Variants in TRPM6 observed in about 807,000 individuals in gnomAD.
TRPM6 encodes transient receptor potential cation channel subfamily M member 6.
A neutral mutation model predicts 247.6 loss-of-function variants in TRPM6; 111 were observed. The observed-to-expected ratio is 0.45, with a 90% CI of 0.38 to 0.52. The LOEUF is 0.52. Among genes scored for constraint, TRPM6 ranks in the 20% least tolerant of loss-of-function variants. The pLI is 0.00. For missense variants in TRPM6, 2,126 were observed against 2,421.5 expected (o/e 0.88, Z 2.56); for synonymous variants, 892 against 853.8 (o/e 1.04, Z -0.78).
At chr9:74,884,335 A>G (rs963191098) in intron 1 of TRPM6, among the ~76,000 whole-genome samples, 1 of 149,132 alleles carries the variant, frequency 6.7e-6, no homozygotes, top group Admixed American at 6.7e-5. Flanking sequence ...TAAAAATACA[A>G]AAAATGAGCC....
chr9:74,887,788 T>A (rs1831585791), intron 1 of TRPM6, 36 bp downstream of exon 1: 1 of 1,613,998 alleles, frequency 6.2e-7, no homozygotes, highest in East Asian at 2.2e-5. Flanking sequence ...TCGCCTAAGG[T>A]CCTTGTTCCC....
At position 74,761,817 on chromosome 9, in the gene TRPM6, A is replaced by C. The variant is rs763977756; in HGVS notation, c.4673-9T>G. The C allele has an allele frequency of 3.7e-5, 59 of 1,602,176 alleles. No homozygotes were observed. Among genetic ancestry groups the C allele is most frequent in the Non-Finnish European group, 8.6e-6 (10 of 1,169,296 alleles). On this transcript the variant is annotated splice_polypyrimidine_tract_variant and intron_variant, in intron 26 of 38. Transcript: ENST00000360774. ...TGAAGAGCCTGAAAGATCTGCAAGGAAATGGTCTACATGAGAAAGTTGACA... is the reference window on the plus strand; with the variant it reads ...TGAAGAGCCTGAAAGATCTGCAAGGCAATGGTCTACATGAGAAAGTTGACA...
At chr9:74,757,093 A>C (rs1041193881) in intron 27 of TRPM6, among the ~76,000 whole-genome samples, 8 of 151,764 alleles carry the variant, frequency 5.3e-5, no homozygotes, top group Non-Finnish European at 1.2e-4. Flanking sequence ...CAGGAGAATC[A>C]CTTGAACCCG....
chr9:74,813,281 G>C (rs998776838), intron 11 of TRPM6, among the ~76,000 whole-genome samples: 2 of 152,218 alleles, frequency 1.3e-5, no homozygotes, highest in Admixed American at 1.3e-4. Context: ...CAACATTTTG[G>C]AAGCTGGAAA....
In TRPM6 at chr9:74,724,657, T is replaced by C; in HGVS notation, c.6025A>G (p.Arg2009Gly). 1 of 1,614,232 alleles carries C rather than the reference T, an allele frequency of 6.2e-7. No individual in the cohort carries two copies. Among genetic ancestry groups the C allele is most frequent in the Non-Finnish European group, 8.5e-7 (1 of 1,180,038 alleles). ...TCTGGGGAATTTCTACCCGTCTCCC[T>C]TGCTGGAGGCTCCTCAGCTGATTCT... The part of the protein sequence containing the change: ...KIESAEEPPA[R>G]ETGRNSPEDD... The change falls in exon 39 of 39, where the codon AGG becomes GGG. Residue 2009 changes from arginine (R) to glycine (G), a missense_variant. Coordinates refer to ENST00000360774, the MANE Select transcript of TRPM6 (RefSeq NM_017662.5).
intron 7 of TRPM6, among the ~76,000 whole-genome samples, chr9:74,822,723 CTT>C (rs1394352304): frequency 6.6e-6 from 1 of 151,782 alleles, no homozygotes; most frequent in Non-Finnish European, 1.5e-5. Context: ...ATATATATTA[CTT>C]TCTTAAAGTA....
intron 6 of TRPM6, among the ~76,000 whole-genome samples, chr9:74,829,384 G>A (rs537293727): frequency 2.6e-5 from 4 of 152,284 alleles, no homozygotes; most frequent in Middle Eastern, 3.4e-3. Context: ...TTACATTAAT[G>A]GACATTTTCT....
chr9:74,793,465 C>G (rs1477484683), intron 18 of TRPM6, among the ~76,000 whole-genome samples: 1 of 152,124 alleles, frequency 6.6e-6, no homozygotes, highest in Non-Finnish European at 1.5e-5. Context: ...GATTCTCATA[C>G]CTCAGCCTCC....
At chr9:74,811,334 G>C (rs375109098) in intron 12 of TRPM6, among the ~76,000 whole-genome samples, 18 of 152,280 alleles carry the variant, frequency 1.2e-4, no homozygotes, top group South Asian at 8.3e-4. Flanking sequence ...GGCTCAAAAA[G>C]AGTTACAAAT....
rs190211464 is a variant in TRPM6, at chr9:74,816,818, G to A, written c.1208-49C>T. 136 of 1,609,080 alleles carry A rather than the reference G, an allele frequency of 8.5e-5. 1 individual carries two copies. Among genetic ancestry groups the A allele is most frequent in the South Asian group, 4.2e-4 (38 of 90,982 alleles). On this transcript the variant is annotated intron_variant, in intron 10 of 38. Coordinates refer to ENST00000360774, the MANE Select transcript of TRPM6 (RefSeq NM_017662.5). ...CATATATTCTTTTCAAGATATCTAC[G>A]CAAGAAGCACAAAGTACTGTGGAAC...
At position 74,724,574 on chromosome 9, in the gene TRPM6, A is replaced by C. The variant is rs1278225054; in HGVS notation, c.*39T>G. On this transcript the variant is annotated 3_prime_UTR_variant, in exon 39 of 39. Coordinates refer to ENST00000360774, the MANE Select transcript of TRPM6 (RefSeq NM_017662.5). ...TCTATGTTATCACAGAGTTCCTGGC[A>C]GGCAGGGCAAGCACTGGGATCTTCT... The C allele has an allele frequency of 6.2e-7, 1 of 1,613,722 alleles. No individual in the cohort carries two copies. Among genetic ancestry groups the C allele is most frequent in the Non-Finnish European group, 8.5e-7 (1 of 1,179,934 alleles).
At chr9:74,749,776 T>A (rs942407579) in intron 30 of TRPM6, among the ~76,000 whole-genome samples, 2 of 152,200 alleles carry the variant, frequency 1.3e-5, no homozygotes, top group African/African-American at 4.8e-5. Context: ...GAGCACAAAC[T>A]ACTGAACCTT....
intron 7 of TRPM6, among the ~76,000 whole-genome samples, chr9:74,823,408 T>C (rs1829201602): frequency 6.6e-6 from 1 of 152,238 alleles, no homozygotes; most frequent in African/African-American, 2.4e-5. Context: ...GTTATCTAGA[T>C]TTAAGGCATT....
intron 33 of TRPM6, 84 bp from the exon 34 acceptor site, chr9:74,740,093 C>T: frequency 6.8e-7 from 1 of 1,476,276 alleles, no homozygotes; most frequent in Non-Finnish European, 9.3e-7. Flanking sequence ...AATGCAGAAT[C>T]AGTTCAGTTA....
Position 74,769,786 on chromosome 9 carries a change from C to CGGAA in TRPM6, c.3536+1913_3536+1916dup, listed in dbSNP as rs1459412515. On this transcript the variant is annotated intron_variant, in intron 25 of 38. Transcript: ENST00000360774. ...AAGGAAGGAAGGAAGGAAGGAAGGACGGAAGGAAGGGAGGGAGGGAGGAAG... is the reference window on the plus strand; with the variant it reads ...AAGGAAGGAAGGAAGGAAGGAAGGACGGAAGGAAGGAAGGGAGGGAGGGAGGAAG... Among the ~76,000 whole-genome samples, 123 of 48,048 alleles carry CGGAA rather than the reference C, an allele frequency of 2.6e-3. 5 individuals carry two copies. The highest frequency in any genetic ancestry group is 6.4e-3 in the African/African-American group (56 of 8,762). 31.5% of individuals were successfully genotyped at this position (48,048 alleles called of 152,430 possible).
intron 8 of TRPM6, 145 bp downstream of exon 8, chr9:74,821,524 A>G: frequency 1.0e-6 from 1 of 994,626 alleles, no homozygotes; most frequent in East Asian, 2.4e-5. Context: ...ATGTTGAACA[A>G]CAAACACAGT....
intron 18 of TRPM6, among the ~76,000 whole-genome samples, chr9:74,793,048 T>C (rs1281613294): frequency 6.6e-6 from 1 of 151,992 alleles, no homozygotes; most frequent in Non-Finnish European, 1.5e-5. Flanking sequence ...TCCCAACTAC[T>C]TGGGAGGCTG....
Position 74,820,337 on chromosome 9 carries a change from T to C in TRPM6, c.1101A>G (p.Gln367=). The change falls in exon 9 of 39, where the codon CAA becomes CAG. Residue 367 remains glutamine (Q), a synonymous_variant. Coordinates refer to ENST00000360774, the MANE Select transcript of TRPM6 (RefSeq NM_017662.5). ...TGTGAACCATACACTCCATTAGAATTTGGAAAAGGTGCTTGGACTGTTTAA... is the reference window on the plus strand; with the variant it reads ...TGTGAACCATACACTCCATTAGAATCTGGAAAAGGTGCTTGGACTGTTTAA... The part of the protein sequence containing the change: ...FSLKQSKHLF[Q]ILMECMVHRD... The C allele has an allele frequency of 6.2e-7, 1 of 1,614,082 alleles. No homozygotes were observed. The highest frequency in any genetic ancestry group is 8.5e-7 in the Non-Finnish European group (1 of 1,180,012).
intron 11 of TRPM6, among the ~76,000 whole-genome samples, 198 bp downstream of exon 11, chr9:74,816,465 GAAAAAA>G (rs34100441): frequency 8.5e-5 from 8 of 93,644 alleles, no homozygotes; most frequent in African/African-American, 1.6e-4. Context: ...GCAGAGCCAG[GAAAAAA>G]AAAAAAAAAA....
Sources: allele counts gnomAD v4.1 joint callset (sites outside exome capture counted in the v4.1 genomes callset), GRCh38; gene constraint gnomAD v4.1.1; transcripts MANE v1.5; gene names NCBI Gene and HGNC (gene_info 2026-07-23, HGNC 2026-07-21).